SNX18: variants seen among roughly 807,000 people sequenced by gnomAD.
SNX18 encodes the protein sorting nexin 18.
Under a neutral mutation model 48.7 loss-of-function variants are expected in SNX18, and 35 were observed. The observed-to-expected ratio is 0.72, with a 90% CI of 0.55 to 0.95. The LOEUF (loss-of-function observed/expected upper bound fraction) is 0.95. Ranked by LOEUF, SNX18 falls within the 40% of genes least tolerant of loss-of-function variation. The pLI is 0.00. For synonymous variants in SNX18, 492 were observed against 384.7 expected (o/e 1.28, Z -3.26); for missense variants, 824 against 871.0 (o/e 0.95, Z 0.68).
At chr5:54,600,933 C>T in the SNX18 span, among the ~76,000 whole-genome samples, 5 of 152,088 alleles carry the variant, frequency 3.3e-5, no homozygotes, top group East Asian at 5.8e-4. Flanking sequence ...CTATGGCACA[C>T]TTTTATCTAT....
the SNX18 span, among the ~76,000 whole-genome samples, chr5:54,618,471 A>T: frequency 1.3e-5 from 2 of 152,210 alleles, no homozygotes; most frequent in Admixed American, 1.3e-4. Flanking sequence ...AGACCTTGCC[A>T]TCCTTCACCA....
At chr5:54,627,678 G>T in the SNX18 span, among the ~76,000 whole-genome samples, 5 of 152,068 alleles carry the variant, frequency 3.3e-5, no homozygotes, top group African/African-American at 1.2e-4. Context: ...CACGTGGGGG[G>T]ACCAGTGGCA....
chr5:54,527,475 G>A (rs975649225), intron 1 of SNX18, among the ~76,000 whole-genome samples: 4 of 152,330 alleles, frequency 2.6e-5, no homozygotes, highest in African/African-American at 9.6e-5. Flanking sequence ...AAGGGTGACT[G>A]TAATTTTGGC....
At chr5:54,573,367 C>T in the SNX18 span, among the ~76,000 whole-genome samples, 63 of 152,166 alleles carry the variant, frequency 4.1e-4, no homozygotes, top group African/African-American at 1.1e-3. Flanking sequence ...CTTTCTTGCG[C>T]GAGATCCAAG....
chr5:54,560,181 G>A, the SNX18 span, among the ~76,000 whole-genome samples: 1 of 152,212 alleles, frequency 6.6e-6, no homozygotes, highest in East Asian at 1.9e-4. Flanking sequence ...GCACGCATAT[G>A]TTCACTGCAG....
chr5:54,574,152 A>G, the SNX18 span, among the ~76,000 whole-genome samples: 5 of 152,212 alleles, frequency 3.3e-5, no homozygotes, highest in African/African-American at 1.2e-4. Flanking sequence ...GGAATTACCT[A>G]CAGGCTTGAC....
the SNX18 span, among the ~76,000 whole-genome samples, chr5:54,566,560 C>T: frequency 6.6e-6 from 1 of 152,204 alleles, no homozygotes; most frequent in Non-Finnish European, 1.5e-5. Flanking sequence ...GATATAGTGA[C>T]TTATGGAAGT....
intron 1 of SNX18, among the ~76,000 whole-genome samples, chr5:54,536,457 C>G (rs1762357553): frequency 6.7e-6 from 1 of 149,848 alleles, no homozygotes; most frequent in African/African-American, 2.5e-5. Flanking sequence ...TTCAATTCCA[C>G]CTATGAGTGA....
chr5:54,581,561 G>T, the SNX18 span, among the ~76,000 whole-genome samples: 1 of 152,224 alleles, frequency 6.6e-6, no homozygotes, highest in South Asian at 2.1e-4. Context: ...CTCTCTGTGG[G>T]TCTACCCCTG....
the SNX18 span, among the ~76,000 whole-genome samples, chr5:54,639,207 A>G: frequency 6.6e-6 from 1 of 152,232 alleles, no homozygotes; most frequent in East Asian, 1.9e-4. Context: ...TCTCCCAATC[A>G]GAGAACTTAT....
chr5:54,535,982 A>G (rs1056345700), intron 1 of SNX18, among the ~76,000 whole-genome samples: 2 of 152,150 alleles, frequency 1.3e-5, no homozygotes, highest in African/African-American at 4.8e-5. Context: ...GTAATCCACC[A>G]AACTAATTCA....
At chr5:54,599,193 G>A in the SNX18 span, among the ~76,000 whole-genome samples, 1 of 152,108 alleles carries the variant, frequency 6.6e-6, no homozygotes, top group Non-Finnish European at 1.5e-5. Context: ...TGGCCTCATA[G>A]AATGTGTTAG....
At chr5:54,538,910 A>G (rs193101098) in intron 1 of SNX18, among the ~76,000 whole-genome samples, 4 of 152,354 alleles carry the variant, frequency 2.6e-5, no homozygotes, top group Non-Finnish European at 2.9e-5. Flanking sequence ...AACTTGTTCT[A>G]CATTTGTGGG....
At chr5:54,561,593 G>A in the SNX18 span, among the ~76,000 whole-genome samples, 1 of 151,290 alleles carries the variant, frequency 6.6e-6, no homozygotes, top group Non-Finnish European at 1.5e-5. Context: ...TCTCTCCTTG[G>A]CCTCCCAAAG....
At chr5:54,615,767 GTTATTTGTATCTTCAATAACAGGTGC>G in the SNX18 span, among the ~76,000 whole-genome samples, 1 of 152,210 alleles carries the variant, frequency 6.6e-6, no homozygotes, top group Non-Finnish European at 1.5e-5. Flanking sequence ...CAAAGCACAT[GTTATTTGTATCTTCAATAACAGGTGC>G]TTTGCCAATT....
At chr5:54,639,611 C>CTT in the SNX18 span, among the ~76,000 whole-genome samples, 1 of 151,742 alleles carries the variant, frequency 6.6e-6, no homozygotes, top group Non-Finnish European at 1.5e-5. Flanking sequence ...TTATTTTTCA[C>CTT]GAGAATCTTG....
In SNX18 at chr5:54,517,780, G is replaced by T. The variant is rs1160337684; in HGVS notation, c.-173G>T. On this transcript the variant is annotated 5_prime_UTR_variant, in exon 1 of 2. Transcript: ENST00000381410. ...CGGCAGTCGGCGCTGCGAAGTGGAG[G>T]CGCTGCGAGCGGAGCCGCGCGGAGG... The T allele has an allele frequency of 7.9e-6, 4 of 504,622 alleles. No individual in the cohort carries two copies. The highest frequency in any genetic ancestry group is 1.2e-5 in the Non-Finnish European group (4 of 336,046). 31.3% of individuals were successfully genotyped at this position (504,622 alleles called of 1,614,324 possible).
In SNX18 at chr5:54,537,997, A is replaced by G. The variant is rs745709805; in HGVS notation, c.1622-5182A>G. ...AAGCTATCCTAGAAGTAGCAAGTCT[A>G]TGATGATCTAACTCTGCTCCAGTAG... On this transcript the variant is annotated intron_variant, in intron 1 of 1. Coordinates refer to ENST00000381410, the MANE Select transcript of SNX18 (RefSeq NM_001102575.2). Among the ~76,000 whole-genome samples, 4 of 152,220 alleles carry G rather than the reference A, an allele frequency of 2.6e-5. 1 individual carries two copies. The highest frequency in any genetic ancestry group is 9.7e-5 in the African/African-American group (4 of 41,450).
the SNX18 span, among the ~76,000 whole-genome samples, chr5:54,642,263 G>A: frequency 1.3e-5 from 2 of 152,080 alleles, no homozygotes; most frequent in East Asian, 1.9e-4. Context: ...CCCAGAGTTC[G>A]ATTTACAAAA....
Sources: gnomAD v4.1 joint callset for allele counts (sites outside exome capture counted in the v4.1 genomes callset) on GRCh38, gnomAD v4.1.1 for gene constraint, MANE v1.5 for transcripts, NCBI Gene and HGNC (gene_info 2026-07-23, HGNC 2026-07-21) for gene names.